Variants in CIAO3 observed in about 807,000 individuals in gnomAD.
CIAO3 encodes cytosolic iron-sulfur assembly component 3, also known as LET1 like/JFP15.
A neutral mutation model predicts 51.5 loss-of-function variants in CIAO3; 45 were observed. That is an observed-to-expected ratio of 0.87 (90% confidence interval 0.69 to 1.12). The LOEUF is 1.12. Among genes scored for constraint, CIAO3 ranks in the 50% most tolerant of loss-of-function variants. The probability of loss-of-function intolerance (pLI) is 0.00; values close to 1 mark genes in which losing one functional copy is unlikely to be tolerated. For missense variants in CIAO3, 668 were observed against 632.5 expected (o/e 1.06, Z -0.60); for synonymous variants, 314 against 269.3 (o/e 1.17, Z -1.63).
chr16:739,354 T>G, intron 2 of CIAO3: 1 of 446,792 alleles, frequency 2.2e-6, no homozygotes, highest in Middle Eastern at 6.4e-4. Context: ...TAGAAAATCT[T>G]ACATGGTTAG....
At chr16:736,674 C>T (rs979205317) in intron 3 of CIAO3, among the ~76,000 whole-genome samples, 8 of 151,840 alleles carry the variant, frequency 5.3e-5, no homozygotes, top group Non-Finnish European at 7.4e-5. Context: ...CCAAGGGTAT[C>T]GTTTTTTTTT....
chr16:737,872 A>G lies in CIAO3; in HGVS notation c.163-543T>C, dbSNP rs1160698041. 8.5e-7 allele frequency: 1 copy of G among 1,182,828 alleles called. No individual in the cohort carries two copies. The highest frequency in any genetic ancestry group is 1.1e-6 in the Non-Finnish European group (1 of 938,406). 73.3% of individuals were successfully genotyped at this position (1,182,828 alleles called of 1,614,324 possible). The stretch of plus-strand genomic sequence containing the variant: ...TGTTCCAGTCGGGGGCCTCCGGGAC[A>G]TGCCTCAGCAACTTTTCTTACATGC... On this transcript the variant is annotated intron_variant, in intron 2 of 10. Transcript: ENST00000251588. This position sits in a 1 kb window ranked among gnomAD's most constrained non-coding sequence, Gnocchi z 5.3.
chr16:739,571 G>A (rs1446061975), intron 2 of CIAO3, 72 bp downstream of exon 2: 32 of 1,445,710 alleles, frequency 2.2e-5, no homozygotes, highest in Admixed American at 3.4e-5. Flanking sequence ...GCTCTGTGAC[G>A]GGAGGAAGCA....
chr16:729,781 C>T lies in CIAO3; in HGVS notation c.*636G>A, dbSNP rs1827699059. 14 of 1,242,194 alleles carry T rather than the reference C, an allele frequency of 1.1e-5. No individual in the cohort carries two copies. The highest frequency in any genetic ancestry group is 3.0e-4 in the Middle Eastern group (1 of 3,350). 76.9% of individuals were successfully genotyped at this position (1,242,194 alleles called of 1,614,324 possible). A position where few individuals can be genotyped will look rare whatever the true frequency, so the allele number is the denominator to read the frequency against. On this transcript the variant is annotated 3_prime_UTR_variant, in exon 11 of 11. Transcript: ENST00000251588. ...TCGTAGGCGTGTTTTAGGAGGGGTG[C>T]GTTTATTAGACAAACGCTGGGAGAC...
At position 730,934 on chromosome 16, in the gene CIAO3, C is replaced by A; in HGVS notation, c.1101G>T (p.Ala367=). ...EGQVLLHFAM[A]YGFRNIQNLV... ...GGTTCTGGATGTTGCGGAAGCCGTA[C>A]GCCATTGCGAAGTGCAGCAGCACCT... Residue 367 remains alanine, a synonymous_variant, in exon 10 of 11, where the codon GCG becomes GCT. Transcript: ENST00000251588. 3 of 1,612,982 alleles carry A rather than the reference C, an allele frequency of 1.9e-6. No homozygotes were observed. The highest frequency in any genetic ancestry group is 1.1e-5 in the South Asian group (1 of 91,090).
chr16:730,445 G>A lies in CIAO3; in HGVS notation c.1403C>T (p.Ala468Val). Residue 468 changes from alanine (A) to valine (V), a missense_variant, in exon 11 of 11, where the codon GCC (alanine) becomes GTC (valine). By Grantham distance (64) the Ala-to-Val change is moderately conservative. Coordinates refer to ENST00000251588, the MANE Select transcript of CIAO3 (RefSeq NM_022493.3). ...CCACCGGATGCCCAGGCCAGTGCTG[G>A]CCTTCTCCACGGCGTGGTACTGCGT... is the stretch of plus-strand genomic sequence containing the variant. ...LHTQYHAVEK[A>V]STGLGIRW is the part of the protein sequence containing the mutation. 1 of 1,604,668 alleles carries A rather than the reference G, an allele frequency of 6.2e-7. No individual in the cohort carries two copies. Among genetic ancestry groups the A allele is most frequent in the African/African-American group, 1.3e-5 (1 of 75,066 alleles).
At chr16:730,743 C>G in intron 10 of CIAO3, 88 bp from the exon 11 acceptor site, 1 of 1,580,274 alleles carries the variant, frequency 6.3e-7, no homozygotes, top group Non-Finnish European at 8.6e-7. Flanking sequence ...GACCGGGCCC[C>G]CTCTGTGCCC....
intron 1 of CIAO3, chr16:740,514 G>A (rs1214452613): frequency 3.2e-6 from 1 of 308,690 alleles, no homozygotes; most frequent in East Asian, 8.5e-5. Flanking sequence ...CGCAGGGGAA[G>A]GGGAAGAGGC....
rs538314288 is a variant in CIAO3 at position 735,733 on chromosome 16, G to A, written c.439+533C>T. Among the ~76,000 whole-genome samples, 26 of 152,358 alleles carry A rather than the reference G, an allele frequency of 1.7e-4. 1 individual carries two copies. The highest frequency in any genetic ancestry group is 6.0e-4 in the African/African-American group (25 of 41,602). ...TGAGGGACCTGGGACACAGCTGGAT[G>A]ACAGGCAGTCTGCTGGTTACAAGGC... On this transcript the variant is annotated intron_variant, in intron 4 of 10. Transcript: ENST00000251588.
rs908206863 is a variant in CIAO3 at position 733,322 on chromosome 16, C to G, written c.799G>C (p.Asp267His). 1 of 1,613,602 alleles carries G rather than the reference C, an allele frequency of 6.2e-7. No homozygotes were observed. Among genetic ancestry groups the G allele is most frequent in the Non-Finnish European group, 8.5e-7 (1 of 1,179,996 alleles). ...DFFNQEHQTRDVDCVLTTGEV... is the reference protein window; with the variant it reads ...DFFNQEHQTRHVDCVLTTGEV... Reference sequence around the variant, plus strand: ...CCTGTTGTGAGGACACAGTCCACATCCCGTGTCTGGTGCTCCTGGTTGAAA... The same window carrying G: ...CCTGTTGTGAGGACACAGTCCACATGCCGTGTCTGGTGCTCCTGGTTGAAA... Residue 267 changes from aspartate to histidine, a missense_variant, in exon 7 of 11, where the codon GAT (aspartate) becomes CAT (histidine). Physicochemically the swap from Asp to His is moderately conservative, Grantham distance 81. Transcript: ENST00000251588.
At chr16:740,535 G>A in intron 1 of CIAO3, 1 of 320,224 alleles carries the variant, frequency 3.1e-6, no homozygotes, top group South Asian at 3.4e-5. Context: ...CCCGGCCCGG[G>A]CCCCGCCGCC....
chr16:740,261 G>T, intron 1 of CIAO3: 1 of 433,164 alleles, frequency 2.3e-6, no homozygotes, highest in Non-Finnish European at 4.2e-6. Flanking sequence ...CTCTGGCCCC[G>T]CGGGGCTGTT....
rs2041352296 is a variant in CIAO3 at position 737,579 on chromosome 16, C to T, written c.163-250G>A. ...ATCCGAATCACAGGACTAAGGCTTG[C>T]CACTGGTATCTCAGCAAAGCAGCAG... is the stretch of plus-strand genomic sequence containing the variant. On this transcript the variant is annotated intron_variant, in intron 2 of 10. Transcript: ENST00000251588. This position sits in a 1 kb window ranked among gnomAD's most constrained non-coding sequence, Gnocchi z 5.3. 2 of 1,461,108 alleles carry T rather than the reference C, an allele frequency of 1.4e-6. No homozygotes were observed. The highest frequency in any genetic ancestry group is 3.0e-5 in the East Asian group (1 of 33,866). The allele number at this position is 1,461,108 out of a possible 1,614,324, so 90.5% of individuals were successfully genotyped here.
At chr16:732,142 T>C in intron 8 of CIAO3, 159 bp downstream of exon 8, 1 of 762,472 alleles carries the variant, frequency 1.3e-6, no homozygotes, top group South Asian at 1.7e-5. Context: ...CCTCCCAAAG[T>C]GCTGGGGTGA....
chr16:731,380 TTA>T (rs2041280003), intron 9 of CIAO3, 183 bp downstream of exon 9: 1 of 787,152 alleles, frequency 1.3e-6, no homozygotes, highest in Non-Finnish European at 1.9e-6. Context: ...CCTGGAGTGC[TTA>T]GGTGCCTTCA....
intron 1 of CIAO3, chr16:740,044 G>A: frequency 7.1e-7 from 1 of 1,401,594 alleles, no homozygotes. Context: ...CGTGAACAGG[G>A]GGCGTGACCA....
rs1402998416 is a variant in CIAO3, at chr16:740,903, C to G, written c.66+17G>C. 1.3e-6 allele frequency: 2 copies of G among 1,528,124 alleles called. No individual in the cohort carries two copies. The highest frequency in any genetic ancestry group is 1.8e-6 in the Non-Finnish European group (2 of 1,142,122). 94.7% of individuals were successfully genotyped at this position (1,528,124 alleles called of 1,614,324 possible). ...CACCGAGCGCAGCCTCGACCCCGCC[C>G]GCCCAGGCCGGCCCACCTGAGACGG... is the stretch of plus-strand genomic sequence containing the variant. On this transcript the variant is annotated intron_variant, in intron 1 of 10. Coordinates refer to ENST00000251588, the MANE Select transcript of CIAO3 (RefSeq NM_022493.3).
Position 730,119 on chromosome 16 carries a change from G to A in CIAO3, c.*298C>T. On this transcript the variant is annotated 3_prime_UTR_variant, in exon 11 of 11. Coordinates refer to ENST00000251588, the MANE Select transcript of CIAO3 (RefSeq NM_022493.3). ...GCACTTGGGTGCCCGACCAGCAGCA[G>A]CAAGGGCAGCACCTGTGGGCCTCGG... 3 of 512,596 alleles carry A rather than the reference G, an allele frequency of 5.9e-6. No individual in the cohort carries two copies. Among genetic ancestry groups the A allele is most frequent in the African/African-American group, 1.9e-5 (1 of 52,130 alleles). The allele number at this position is 512,596 out of a possible 1,614,324, so 31.8% of individuals were successfully genotyped here. A position where few individuals can be genotyped will look rare whatever the true frequency, so the allele number is the denominator to read the frequency against.
intron 7 of CIAO3, 124 bp downstream of exon 7, chr16:733,174 G>T (rs2041302971): frequency 2.3e-6 from 3 of 1,281,386 alleles, no homozygotes; most frequent in Non-Finnish European, 2.1e-6. Context: ...GTGCACGCAT[G>T]CGAGCCCCCA....
Sources: allele counts gnomAD v4.1 joint callset (sites outside exome capture counted in the v4.1 genomes callset), GRCh38; gene constraint gnomAD v4.1.1; non-coding constraint Gnocchi (gnomAD v3.1); transcripts MANE v1.5; gene names NCBI Gene and HGNC (gene_info 2026-07-23, HGNC 2026-07-21).